CXADR: variants seen among roughly 807,000 people sequenced by gnomAD.
CXADR encodes the protein CXADR cell adhesion molecule.
In CXADR, 20 loss-of-function variants were observed where a neutral mutation model predicts 40.3. The observed-to-expected ratio is 0.50, with a 90% CI of 0.35 to 0.72. CXADR has a LOEUF of 0.72. CXADR is among the 30% of genes least tolerant of loss of function. The pLI, the probability that CXADR is intolerant of heterozygous loss-of-function variation, is 0.01. For synonymous variants in CXADR, 150 were observed against 161.3 expected, an observed-to-expected ratio of 0.93 and a Z score of 0.53; for missense variants, 332 against 449.1, an observed-to-expected ratio of 0.74 and a Z score of 2.36.
chr21:17,529,159 C>T (rs1346885553), intron 1 of CXADR, among the ~76,000 whole-genome samples: 3 of 151,680 alleles, frequency 2.0e-5, no homozygotes, highest in Admixed American at 6.6e-5. Flanking sequence ...CTGCCTCAGC[C>T]TCCTGAGTAG....
intron 7 of CXADR, among the ~76,000 whole-genome samples, chr21:17,581,163 C>G (rs900393588): frequency 1.3e-5 from 2 of 152,150 alleles, no homozygotes; most frequent in Non-Finnish European, 2.9e-5. Context: ...TATAGTGTTA[C>G]ATCAAAGTGA....
the CXADR span, chr21:17,612,666 C>T: frequency 6.6e-6 from 1 of 152,648 alleles, no homozygotes; most frequent in East Asian, 1.9e-4. Flanking sequence ...ACAGCCCCGC[C>T]ATGTCTGCCT....
intron 1 of CXADR, among the ~76,000 whole-genome samples, chr21:17,517,080 A>C (rs977576057): frequency 5.3e-5 from 8 of 152,152 alleles, no homozygotes; most frequent in Non-Finnish European, 7.4e-5. Context: ...TCAGATATCA[A>C]ATAAAGGTAC....
intron 7 of CXADR, among the ~76,000 whole-genome samples, chr21:17,581,269 GTA>G (rs1412949999): frequency 2.6e-5 from 4 of 151,966 alleles, no homozygotes; most frequent in Non-Finnish European, 5.9e-5. Flanking sequence ...CAATATATAT[GTA>G]TATATGTCAT....
chr21:17,534,091 T>A (rs1321939151), intron 1 of CXADR, among the ~76,000 whole-genome samples: 1 of 89,748 alleles, frequency 1.1e-5, no homozygotes, highest in African/African-American at 5.0e-5. Flanking sequence ...CATATATATA[T>A]ATATATATAT....
the CXADR span, among the ~76,000 whole-genome samples, chr21:17,626,549 C>G: frequency 6.6e-6 from 1 of 152,068 alleles, no homozygotes; most frequent in Non-Finnish European, 1.5e-5. Context: ...TCAGGTTATA[C>G]TTTTCAAAGC....
At chr21:17,522,398 T>G (rs2060543152) in intron 1 of CXADR, among the ~76,000 whole-genome samples, 1 of 152,166 alleles carries the variant, frequency 6.6e-6, no homozygotes, top group Non-Finnish European at 1.5e-5. Flanking sequence ...TCCGCCCGCC[T>G]CGGCCTCCGA....
At chr21:17,560,091 G>A (rs1177153047) in intron 4 of CXADR, among the ~76,000 whole-genome samples, 1 of 152,136 alleles carries the variant, frequency 6.6e-6, no homozygotes, top group African/African-American at 2.4e-5. Flanking sequence ...TTTACCCATG[G>A]TGTGTCTGTA....
At chr21:17,562,771 G>T (rs2061142208) in intron 6 of CXADR, among the ~76,000 whole-genome samples, 1 of 152,196 alleles carries the variant, frequency 6.6e-6, no homozygotes, top group Non-Finnish European at 1.5e-5. Context: ...GCACTTTGTT[G>T]CTTCACTTTG....
At chr21:17,551,010 A>G (rs1331998390) in intron 2 of CXADR, among the ~76,000 whole-genome samples, 1 of 152,242 alleles carries the variant, frequency 6.6e-6, no homozygotes, top group Non-Finnish European at 1.5e-5. Flanking sequence ...GCAAATTATG[A>G]TAAGCCTTTG....
chr21:17,599,441 A>C, the CXADR span, among the ~76,000 whole-genome samples: 1 of 149,602 alleles, frequency 6.7e-6, no homozygotes. Flanking sequence ...CAGCTACCCA[A>C]AGTGCTAGAA....
the CXADR span, chr21:17,626,878 C>T: frequency 6.6e-6 from 1 of 152,172 alleles, no homozygotes; most frequent in Non-Finnish European, 1.5e-5. Flanking sequence ...TTTGTTTTCC[C>T]CCATTATCAT....
chr21:17,544,099 T>C (rs891298184), intron 1 of CXADR, among the ~76,000 whole-genome samples: 21 of 152,170 alleles, frequency 1.4e-4, no homozygotes, highest in African/African-American at 5.1e-4. Context: ...AGGCAACATA[T>C]GCTAAGTGCC....
chr21:17,593,828 T>A, downstream of CXADR: 1 of 403,478 alleles, frequency 2.5e-6, no homozygotes, highest in South Asian at 4.0e-5. Flanking sequence ...TCCAACAGAG[T>A]TGATGCACAA....
intron 1 of CXADR, 116 bp from the exon 2 acceptor site, chr21:17,546,911 C>T: frequency 7.9e-7 from 1 of 1,270,810 alleles, no homozygotes; most frequent in Non-Finnish European, 1.1e-6. Flanking sequence ...TCCTCGGGAC[C>T]CAAACCCCGT....
intron 4 of CXADR, 103 bp downstream of exon 4, chr21:17,559,234 G>A: frequency 5.0e-6 from 6 of 1,208,540 alleles, no homozygotes; most frequent in South Asian, 4.3e-5. Flanking sequence ...TGTCACCCAG[G>A]CTCACTGCAA....
chr21:17,523,595 A>G (rs989267987), intron 1 of CXADR, among the ~76,000 whole-genome samples: 10 of 152,196 alleles, frequency 6.6e-5, no homozygotes, highest in African/African-American at 2.4e-4. Flanking sequence ...AAATAAAGGA[A>G]ATAATTGAGG....
At chr21:17,602,792 A>G in the CXADR span, among the ~76,000 whole-genome samples, 80 of 152,330 alleles carry the variant, frequency 5.3e-4, no homozygotes, top group Non-Finnish European at 4.4e-4. Context: ...GAATGTCCGT[A>G]TAACTAAAGT....
intron 1 of CXADR, among the ~76,000 whole-genome samples, chr21:17,541,291 G>A (rs902117947): frequency 2.0e-5 from 3 of 152,184 alleles, no homozygotes; most frequent in South Asian, 4.1e-4. Flanking sequence ...GGTGGCTCAC[G>A]CCTGTAATCC....
Sources: allele counts gnomAD v4.1 joint callset (sites outside exome capture counted in the v4.1 genomes callset), GRCh38; gene constraint gnomAD v4.1.1; transcripts MANE v1.5; gene names NCBI Gene and HGNC (gene_info 2026-07-23, HGNC 2026-07-21).